Variants in DISC1 observed in about 807,000 individuals in gnomAD.
The protein encoded by DISC1 is DISC1 scaffold protein, also known as disrupted in schizophrenia 1 protein.
DISC1 carries 57 observed loss-of-function variants against 84.5 expected under a neutral mutation model. That is an observed-to-expected ratio of 0.67 (90% CI 0.55 to 0.84). The LOEUF is 0.84. Among genes scored for constraint, DISC1 ranks in the 40% least tolerant of loss-of-function variants. The pLI is 0.00. For synonymous variants in DISC1, 411 were observed against 415.2 expected (o/e 0.99, Z 0.12); for missense variants, 1,000 against 1,057.8 (o/e 0.95, Z 0.76).
At chr1:231,756,345 T>G (rs2075110409) in intron 4 of DISC1, among the ~76,000 whole-genome samples, 1 of 152,158 alleles carries the variant, frequency 6.6e-6, no homozygotes. Flanking sequence ...CTGTTTACTC[T>G]GACAGATGAT....
chr1:231,961,667 T>C (rs1413931393), intron 10 of DISC1, among the ~76,000 whole-genome samples: 1 of 152,224 alleles, frequency 6.6e-6, no homozygotes, highest in Non-Finnish European at 1.5e-5. Context: ...TTGCTTAGAA[T>C]AATGGCCTCC....
At chr1:231,846,128 T>A (rs2083433185) in intron 9 of DISC1, among the ~76,000 whole-genome samples, 1 of 152,094 alleles carries the variant, frequency 6.6e-6, no homozygotes, top group Admixed American at 6.5e-5. Flanking sequence ...CACTGACTGC[T>A]TGGGTAGGGG....
intron 6 of DISC1, among the ~76,000 whole-genome samples, chr1:231,787,787 A>G (rs1217681300): frequency 2.6e-5 from 4 of 152,204 alleles, no homozygotes; most frequent in Non-Finnish European, 5.9e-5. Context: ...TGCTAGAGGC[A>G]GGCTCCCAGA....
At chr1:231,891,476 G>A (rs762954690) in intron 9 of DISC1, among the ~76,000 whole-genome samples, 3 of 152,196 alleles carry the variant, frequency 2.0e-5, no homozygotes, top group Non-Finnish European at 4.4e-5. Flanking sequence ...GGAGACAGAC[G>A]GAGCAGGGAA....
rs185958449 is a variant in DISC1 at position 231,739,066 on chromosome 1, G to A, written c.1118-10860G>A. ...AGAAATCAGGATCTGTGTGCTTGGT[G>A]TGCTCATGGCTACTGAGGTGTCATT... On this transcript the variant is annotated intron_variant, in intron 3 of 12. Coordinates refer to ENST00000439617, the MANE Select transcript of DISC1 (RefSeq NM_018662.3). Among the ~76,000 whole-genome samples, 52 of 152,312 alleles carry A rather than the reference G, an allele frequency of 3.4e-4. No individual in the cohort carries two copies. In the East Asian group the frequency reaches 7.1e-3, roughly 21 times the overall value.
In DISC1 at chr1:231,910,238, G is replaced by A. The variant is rs183760946; in HGVS notation, c.1982-48590G>A. Among the ~76,000 whole-genome samples, 52 of 152,102 alleles carry A rather than the reference G, an allele frequency of 3.4e-4. No homozygotes were observed. In the East Asian group the frequency reaches 6.9e-3, roughly 20 times the overall value. ...CTAGCTTTTGAATGTGTTTGCTCTT[G>A]CTTCTCTAGTTCTTTTAATTGTGAT... On this transcript the variant is annotated intron_variant, in intron 9 of 12. Transcript: ENST00000439617.
chr1:231,777,948 T>A (rs998358117), intron 6 of DISC1, among the ~76,000 whole-genome samples: 2 of 152,142 alleles, frequency 1.3e-5, no homozygotes, highest in African/African-American at 2.4e-5. Context: ...GCAGAGGGAA[T>A]CCAGAGATGG....
chr1:231,840,020 T>C (rs1168548733), intron 9 of DISC1, among the ~76,000 whole-genome samples: 1 of 152,118 alleles, frequency 6.6e-6, no homozygotes, highest in Non-Finnish European at 1.5e-5. Flanking sequence ...GGGGCAAACA[T>C]CTAAACTATA....
At chr1:231,761,415 G>A (rs1162648584) in intron 4 of DISC1, among the ~76,000 whole-genome samples, 1 of 152,190 alleles carries the variant, frequency 6.6e-6, no homozygotes, top group Non-Finnish European at 1.5e-5. Flanking sequence ...AAAGACGGAA[G>A]CCTGTCCCTT....
At chr1:231,946,117 C>G (rs1006167290) in intron 9 of DISC1, among the ~76,000 whole-genome samples, 2 of 152,116 alleles carry the variant, frequency 1.3e-5, no homozygotes, top group Admixed American at 6.5e-5. Context: ...TTTATGAGGC[C>G]AGCATCATCC....
chr1:231,759,648 G>A (rs2075475278), intron 4 of DISC1, among the ~76,000 whole-genome samples: 5 of 151,770 alleles, frequency 3.3e-5, no homozygotes, highest in Admixed American at 3.3e-4. Context: ...TGGGGCTGTA[G>A]CAAGCTATGA....
intron 9 of DISC1, among the ~76,000 whole-genome samples, chr1:231,879,831 C>A (rs958279744): frequency 5.9e-5 from 9 of 152,024 alleles, no homozygotes; most frequent in African/African-American, 2.2e-4. Flanking sequence ...AATTCTAGTG[C>A]ATTAAGAGTA....
In DISC1 at chr1:232,040,132, C is replaced by T. The variant is rs1670723817; in HGVS notation, c.*3301C>T. ...TCAGCCTCCCAAGTAGCTGGGGTTA[C>T]AGGCATTTGCCACCGGGCCCTGATG... On this transcript the variant is annotated 3_prime_UTR_variant, in exon 13 of 13. Transcript: ENST00000439617. The T allele has an allele frequency of 6.6e-6, 1 of 152,182 alleles. No individual in the cohort carries two copies. The highest frequency in any genetic ancestry group is 2.4e-5 in the African/African-American group (1 of 41,422). 9.4% of individuals were successfully genotyped at this position (152,182 alleles called of 1,614,324 possible).
intron 3 of DISC1, among the ~76,000 whole-genome samples, chr1:231,721,878 G>T (rs2069769896): frequency 6.6e-6 from 1 of 152,096 alleles, no homozygotes; most frequent in African/African-American, 2.4e-5. Context: ...CCTTGGCTGG[G>T]CACGGTGGCT....
Position 231,800,147 on chromosome 1 carries a change from A to G in DISC1, c.1729A>G (p.Lys577Glu), listed in dbSNP as rs367543093. ...SEKFCSTLRK[K>E]VNDIETQLPA... ...GAAATTCTGCAGCACCCTGAGGAAG[A>G]AAGTTAACGATATTGAAACCCAACT... Residue 577 changes from lysine (K) to glutamate (E), a missense_variant, in exon 8 of 13, where the codon AAA becomes GAA. Coordinates refer to ENST00000439617, the MANE Select transcript of DISC1 (RefSeq NM_018662.3). 2.2e-4 allele frequency: 352 copies of G among 1,611,796 alleles called. No homozygotes were observed. Among genetic ancestry groups the G allele is most frequent in the Non-Finnish European group, 2.8e-4 (334 of 1,179,710 alleles).
At chr1:231,802,611 A>G (rs1421578962) in intron 8 of DISC1, among the ~76,000 whole-genome samples, 5 of 152,154 alleles carry the variant, frequency 3.3e-5, no homozygotes, top group African/African-American at 9.7e-5. Context: ...GGAATAACAA[A>G]TTAGTTTCAT....
chr1:231,772,090 C>T (rs939097846), intron 6 of DISC1, among the ~76,000 whole-genome samples: 19 of 151,802 alleles, frequency 1.3e-4, no homozygotes, highest in Non-Finnish European at 2.5e-4. Flanking sequence ...GCTGGGACCA[C>T]AGGCTTGGGT....
At chr1:231,841,995 T>C (rs1455179280) in intron 9 of DISC1, among the ~76,000 whole-genome samples, 1 of 152,248 alleles carries the variant, frequency 6.6e-6, no homozygotes, top group East Asian at 1.9e-4. Flanking sequence ...GTTTTTCTCG[T>C]TGTTTTTTAT....
At chr1:231,851,890 A>G (rs2083927801) in intron 9 of DISC1, among the ~76,000 whole-genome samples, 1 of 152,180 alleles carries the variant, frequency 6.6e-6, no homozygotes, top group Non-Finnish European at 1.5e-5. Flanking sequence ...AGGAGGGAGC[A>G]AAGTGTTAAC....
Sources: allele counts gnomAD v4.1 joint callset (sites outside exome capture counted in the v4.1 genomes callset), GRCh38; gene constraint gnomAD v4.1.1; transcripts MANE v1.5; gene names NCBI Gene and HGNC (gene_info 2026-07-23, HGNC 2026-07-21).